Variants in MAP4 observed in about 807,000 individuals in gnomAD.
The protein encoded by MAP4 is microtubule associated protein 4, also known as microtubule-associated protein 4.
MAP4 carries 76 observed loss-of-function variants against 170.2 expected under a neutral mutation model. The ratio of observed to expected loss-of-function variants is 0.45; its 90% CI spans 0.37 to 0.54. The LOEUF (loss-of-function observed/expected upper bound fraction) is 0.54, where lower values mean the gene tolerates loss of function less well. Ranked by LOEUF, MAP4 falls within the 20% of genes least tolerant of loss-of-function variation. The pLI is 0.00. For synonymous variants in MAP4, 909 were observed against 994.5 expected (o/e 0.91, Z 1.62); for missense variants, 2,506 against 2,748.0 (o/e 0.91, Z 1.97).
chr3:47,986,431 C>T (rs968661854), intron 2 of MAP4, among the ~76,000 whole-genome samples: 7 of 152,256 alleles, frequency 4.6e-5, no homozygotes, highest in Admixed American at 4.6e-4. Flanking sequence ...ACCTCCACCT[C>T]CTGGGTTCAA....
chr3:48,025,831 C>T (rs983185032), intron 1 of MAP4, among the ~76,000 whole-genome samples: 8 of 150,880 alleles, frequency 5.3e-5, no homozygotes, highest in African/African-American at 1.9e-4. Flanking sequence ...ACCTGGAAGG[C>T]GGAGGTTGCA....
intron 3 of MAP4, among the ~76,000 whole-genome samples, chr3:47,948,606 C>T (rs1192326211): frequency 2.0e-5 from 3 of 151,796 alleles, no homozygotes; most frequent in African/African-American, 7.3e-5. Context: ...GGGGTCAATC[C>T]ATGCTCTGGC....
chr3:47,950,402 G>A (rs1455954369), intron 3 of MAP4, among the ~76,000 whole-genome samples: 13 of 152,148 alleles, frequency 8.5e-5, no homozygotes, highest in Non-Finnish European at 2.9e-5. Context: ...TAAGTGCAGT[G>A]CTAAGCACCT....
intron 1 of MAP4, among the ~76,000 whole-genome samples, chr3:48,055,176 G>GTCTCCC (rs145682966): frequency 7.5e-4 from 110 of 146,520 alleles, no homozygotes; most frequent in Non-Finnish European, 1.0e-3. Context: ...TCTTTAAAAA[G>GTCTCCC]TCTCCCTCTC....
intron 3 of MAP4, among the ~76,000 whole-genome samples, chr3:47,944,661 T>G (rs2154044585): frequency 6.6e-6 from 1 of 151,994 alleles, no homozygotes; most frequent in African/African-American, 2.4e-5. Context: ...CCTCCAACCT[T>G]CTAGACTTAA....
At chr3:48,086,917 C>G (rs998681830) in intron 1 of MAP4, among the ~76,000 whole-genome samples, 2 of 152,166 alleles carry the variant, frequency 1.3e-5, no homozygotes, top group Admixed American at 6.6e-5. Context: ...AACCAAAATT[C>G]TGAAGTTTCT....
At chr3:47,952,872 C>T (rs2100065380) in intron 3 of MAP4, among the ~76,000 whole-genome samples, 2 of 151,298 alleles carry the variant, frequency 1.3e-5, no homozygotes, top group African/African-American at 2.4e-5. Context: ...TGTAGTGAGC[C>T]GAGATCGCAC....
chr3:47,985,780 A>G (rs947092721), intron 2 of MAP4, among the ~76,000 whole-genome samples: 1 of 152,234 alleles, frequency 6.6e-6, no homozygotes, highest in Non-Finnish European at 1.5e-5. Context: ...AACTAACGTG[A>G]TTCCAGATTT....
At chr3:47,973,472 C>T (rs1351710479) in intron 3 of MAP4, 7 of 984,844 alleles carry the variant, frequency 7.1e-6, no homozygotes, top group Non-Finnish European at 8.4e-6. Context: ...CAAAATGAAA[C>T]GTCCAAGTGA....
chr3:48,026,278 A>AT (rs1428145431), intron 1 of MAP4, among the ~76,000 whole-genome samples: 7 of 152,206 alleles, frequency 4.6e-5, no homozygotes, highest in African/African-American at 1.7e-4. Flanking sequence ...AGAGGCTTAA[A>AT]TTACTTGTAA....
At chr3:47,893,041 A>AC (rs2100024892) in intron 10 of MAP4, among the ~76,000 whole-genome samples, 1 of 151,970 alleles carries the variant, frequency 6.6e-6, no homozygotes, top group Non-Finnish European at 1.5e-5. Flanking sequence ...AAAAAAAAAA[A>AC]AAACCACACC....
At chr3:47,928,527 G>A (rs1241055141) in intron 3 of MAP4, among the ~76,000 whole-genome samples, 177 bp from the exon 4 acceptor site, 1 of 152,106 alleles carries the variant, frequency 6.6e-6, no homozygotes, top group Non-Finnish European at 1.5e-5. Context: ...GTGCAATGGT[G>A]CGTCTGTAGC....
chr3:48,080,357 T>A (rs774973102), intron 1 of MAP4, among the ~76,000 whole-genome samples: 6 of 152,244 alleles, frequency 3.9e-5, no homozygotes, highest in Non-Finnish European at 7.3e-5. Flanking sequence ...CTTCTATGAT[T>A]CTACGAGGAG....
chr3:48,074,407 T>C (rs2100142600), intron 1 of MAP4, among the ~76,000 whole-genome samples: 1 of 150,802 alleles, frequency 6.6e-6, no homozygotes, highest in Non-Finnish European at 1.5e-5. Context: ...TGTATACATA[T>C]GTAACAAACC....
Position 47,974,855 on chromosome 3 carries a change from A to G in MAP4, c.292+3010T>C, listed in dbSNP as rs1044969165. The G allele has an allele frequency of 3.1e-6, 3 of 965,354 alleles. No individual in the cohort carries two copies. In the African/African-American group the frequency reaches 5.3e-5, roughly 17 times the overall value. The allele number at this position is 965,354 out of a possible 1,614,324, so 59.8% of individuals were successfully genotyped here. A position where few individuals can be genotyped will look rare whatever the true frequency, so the allele number is the denominator to read the frequency against. The stretch of plus-strand genomic sequence containing the variant: ...AGGATTACTCAGAACTACTCAATTT[A>G]AAAACTTAAAATATCTATCATTATT... On this transcript the variant is annotated intron_variant, in intron 3 of 20. Transcript: ENST00000683076.
intron 1 of MAP4, among the ~76,000 whole-genome samples, chr3:48,051,704 A>G (rs1559860143): frequency 6.6e-6 from 1 of 152,200 alleles, no homozygotes; most frequent in Non-Finnish European, 1.5e-5. Context: ...TCATTCAACA[A>G]CTACATCCCA....
intron 1 of MAP4, among the ~76,000 whole-genome samples, chr3:48,059,961 A>AG (rs1216757819): frequency 6.3e-5 from 9 of 143,246 alleles, no homozygotes; most frequent in Non-Finnish European, 1.4e-4. Flanking sequence ...CCACAGAGTG[A>AG]GACTCTGTCT....
intron 10 of MAP4, among the ~76,000 whole-genome samples, chr3:47,901,742 A>G (rs1368099393): frequency 6.6e-6 from 1 of 152,152 alleles, no homozygotes; most frequent in Admixed American, 6.6e-5. Flanking sequence ...CTATATCTGC[A>G]ATACTGTAAA....
At chr3:47,966,522 C>G (rs555040874) in intron 3 of MAP4, among the ~76,000 whole-genome samples, 25 of 152,084 alleles carry the variant, frequency 1.6e-4, no homozygotes, top group Middle Eastern at 3.4e-3. Context: ...GTTGGGATTA[C>G]AGGTGTGAGC....
Sources: allele counts gnomAD v4.1 joint callset (sites outside exome capture counted in the v4.1 genomes callset), GRCh38; gene constraint gnomAD v4.1.1; transcripts MANE v1.5; gene names NCBI Gene and HGNC (gene_info 2026-07-23, HGNC 2026-07-21).